CNKSR3: variants seen among roughly 807,000 people sequenced by gnomAD.
CNKSR3 encodes CNKSR family member 3.
In CNKSR3, 36 loss-of-function variants were observed where a neutral mutation model predicts 67.7. The ratio of observed to expected loss-of-function variants is 0.53; its 90% CI spans 0.41 to 0.70. The LOEUF (loss-of-function observed/expected upper bound fraction) is 0.70. CNKSR3 is among the 30% of genes least tolerant of loss of function. CNKSR3 has a pLI of 0.00. For synonymous variants in CNKSR3, 281 were observed against 271.4 expected (o/e 1.04, Z -0.35); for missense variants, 630 against 695.2 (o/e 0.91, Z 1.05).
At chr6:154,437,559 T>C (rs991578780) in intron 4 of CNKSR3, among the ~76,000 whole-genome samples, 10 of 151,816 alleles carry the variant, frequency 6.6e-5, no homozygotes, top group Admixed American at 3.9e-4. Flanking sequence ...GATATATAGG[T>C]GTCCGCCACC....
At position 154,394,635 on chromosome 6, in the gene CNKSR3, A is replaced by G. The variant is rs1019528612; in HGVS notation, c.*11719T>C. 2 of 150,202 alleles carry G rather than the reference A, an allele frequency of 1.3e-5. No homozygotes were observed. Among genetic ancestry groups the G allele is most frequent in the Non-Finnish European group, 1.5e-5 (1 of 67,530 alleles). 9.3% of individuals were successfully genotyped at this position (150,202 alleles called of 1,614,324 possible). ...GAAGTAAAAAAAAAAAAAAAAAAAA[A>G]GAAGAATTCCAAAGGAAACAGAAGA... On this transcript the variant is annotated 3_prime_UTR_variant, in exon 13 of 13. Transcript: ENST00000607772.
chr6:154,408,526 G>A (rs1027741465), intron 12 of CNKSR3, among the ~76,000 whole-genome samples: 1 of 152,118 alleles, frequency 6.6e-6, no homozygotes, highest in African/African-American at 2.4e-5. Context: ...TTGAAAAAGT[G>A]CCCATTGTCA....
chr6:154,428,154 G>A lies in CNKSR3; in HGVS notation c.703C>T (p.His235Tyr). The change falls in exon 7 of 13, where the codon CAC becomes TAC. Residue 235 changes from histidine to tyrosine, a missense_variant. His to Tyr is a moderately conservative substitution (Grantham distance 83, BLOSUM62 2). This residue lies in a region of CNKSR3 where 133 missense variants were observed against 190.6 expected (regional missense o/e 0.70). Coordinates refer to ENST00000607772, the MANE Select transcript of CNKSR3 (RefSeq NM_173515.4). ...TTTTCTGTGGTTCCAGTAATCACGTGTAACCCATCATAGGTTGATTTGATG... is the reference window on the plus strand; with the variant it reads ...TTTTCTGTGGTTCCAGTAATCACGTATAACCCATCATAGGTTGATTTGATG... Reference protein sequence around the residue: ...MYIKSTYDGLHVITGTTENSP... With the variant: ...MYIKSTYDGLYVITGTTENSP... The A allele has an allele frequency of 1.2e-6, 2 of 1,609,986 alleles. No individual in the cohort carries two copies. The highest frequency in any genetic ancestry group is 1.7e-6 in the Non-Finnish European group (2 of 1,176,294).
chr6:154,475,621 C>T (rs1040321983), intron 1 of CNKSR3, among the ~76,000 whole-genome samples: 6 of 152,172 alleles, frequency 3.9e-5, no homozygotes, highest in Non-Finnish European at 8.8e-5. Flanking sequence ...ATCCAAGTCC[C>T]CCTGAAAGCT....
intron 12 of CNKSR3, among the ~76,000 whole-genome samples, chr6:154,407,883 A>AAAAAC (rs1784832927): frequency 6.6e-6 from 1 of 150,990 alleles, no homozygotes; most frequent in African/African-American, 2.4e-5. Context: ...AAAAAAAAAA[A>AAAAAC]AAAAAAAAAA....
chr6:154,454,110 G>GCCC (rs1785899871), intron 1 of CNKSR3, among the ~76,000 whole-genome samples: 1 of 65,622 alleles, frequency 1.5e-5, no homozygotes. Flanking sequence ...CACACAGAGA[G>GCCC]AGAGAGAGAG....
chr6:154,475,363 C>T (rs1321719543), intron 1 of CNKSR3, among the ~76,000 whole-genome samples: 3 of 152,178 alleles, frequency 2.0e-5, no homozygotes, highest in African/African-American at 7.2e-5. Flanking sequence ...TCCAATCCAG[C>T]ACTGTGCTCA....
chr6:154,460,206 A>G (rs898766111), intron 1 of CNKSR3, among the ~76,000 whole-genome samples: 4 of 152,268 alleles, frequency 2.6e-5, no homozygotes, highest in Non-Finnish European at 5.9e-5. Flanking sequence ...AAGAACCGAC[A>G]TGCAAATCTT....
chr6:154,422,070 G>A (rs1239293510), intron 9 of CNKSR3, among the ~76,000 whole-genome samples: 1 of 148,336 alleles, frequency 6.7e-6, no homozygotes, highest in Non-Finnish European at 1.5e-5. Context: ...TTGGCTCACT[G>A]CAAGCTCCGC....
Position 154,390,310 on chromosome 6 carries a change from CA to C in CNKSR3, c.*16043del, listed in dbSNP as rs1019219913. 2.0e-5 allele frequency: 3 copies of C among 152,292 alleles called. No individual in the cohort carries two copies. Among genetic ancestry groups the C allele is most frequent in the African/African-American group, 7.2e-5 (3 of 41,460 alleles). 9.4% of individuals were successfully genotyped at this position (152,292 alleles called of 1,614,324 possible). On this transcript the variant is annotated 3_prime_UTR_variant, in exon 13 of 13. Transcript: ENST00000607772. ...GTTATCCCCTTGACTGTCAACTCTG[CA>C]GCTGGGCCAACCATACACACCCAGA...
At chr6:154,465,220 T>C (rs1212053131) in intron 1 of CNKSR3, among the ~76,000 whole-genome samples, 5 of 151,172 alleles carry the variant, frequency 3.3e-5, no homozygotes, top group East Asian at 1.9e-4. Flanking sequence ...ATCTGCAAAA[T>C]TGACAGCTTA....
intron 1 of CNKSR3, among the ~76,000 whole-genome samples, chr6:154,495,542 A>ATTTTTTTTTAACATTT (rs1217631221): frequency 7.2e-6 from 1 of 138,920 alleles, no homozygotes; most frequent in African/African-American, 2.6e-5. Context: ...TCATTTTAAC[A>ATTTTTTTTTAACATTT]TTTTTTTTTT....
At chr6:154,502,482 C>G (rs550391935) in intron 1 of CNKSR3, among the ~76,000 whole-genome samples, 5,998 of 152,092 alleles carry the variant, frequency 0.039, 314 homozygotes, top group African/African-American at 0.12. Context: ...CAGGCGTGAG[C>G]CACCACACCC....
intron 4 of CNKSR3, among the ~76,000 whole-genome samples, chr6:154,440,032 T>C (rs1406073733): frequency 1.3e-5 from 2 of 152,188 alleles, no homozygotes; most frequent in East Asian, 3.8e-4. Context: ...GACTAATGCA[T>C]CACAACTGGT....
intron 11 of CNKSR3, 65 bp downstream of exon 11, chr6:154,410,869 A>C: frequency 7.8e-7 from 1 of 1,287,704 alleles, no homozygotes; most frequent in Non-Finnish European, 1.1e-6. Context: ...AGTTCCAACT[A>C]AGGCAGGGGG....
intron 4 of CNKSR3, 33 bp downstream of exon 4, chr6:154,441,259 A>G (rs754361648): frequency 3.8e-5 from 49 of 1,276,042 alleles, no homozygotes; most frequent in Middle Eastern, 2.0e-4. Flanking sequence ...AAAAAAAAAA[A>G]AAAAAAGAAA....
Position 154,388,405 on chromosome 6 carries a change from T to C in CNKSR3, c.*17949A>G, listed in dbSNP as rs1784572144. 1 of 152,242 alleles carries C rather than the reference T, an allele frequency of 6.6e-6. No individual in the cohort carries two copies. Among genetic ancestry groups the C allele is most frequent in the Non-Finnish European group, 1.5e-5 (1 of 68,044 alleles). The allele number at this position is 152,242 out of a possible 1,614,324, so 9.4% of individuals were successfully genotyped here. A position where few individuals can be genotyped will look rare whatever the true frequency, so the allele number is the denominator to read the frequency against. ...TGTGTATATACATTTTCTTTATTCA[T>C]TTCTCCGCCGATGGACGCTTAGATT... On this transcript the variant is annotated 3_prime_UTR_variant, in exon 13 of 13. Transcript: ENST00000607772.
intron 9 of CNKSR3, among the ~76,000 whole-genome samples, chr6:154,416,981 T>A (rs11754563): frequency 0.25 from 38,336 of 152,138 alleles, 5,570 homozygotes; most frequent in Non-Finnish European, 0.33. Context: ...TGTCTCTTCT[T>A]AAGTGAATTT....
intron 1 of CNKSR3, among the ~76,000 whole-genome samples, chr6:154,490,857 T>C (rs1238782161): frequency 1.3e-5 from 2 of 152,176 alleles, no homozygotes; most frequent in Non-Finnish European, 2.9e-5. Flanking sequence ...TTAAATTTTT[T>C]TTTTTTGAGA....
Sources: allele counts gnomAD v4.1 joint callset (sites outside exome capture counted in the v4.1 genomes callset), GRCh38; gene constraint gnomAD v4.1.1; regional missense constraint gnomAD v4.1.1; transcripts MANE v1.5; gene names NCBI Gene and HGNC (gene_info 2026-07-23, HGNC 2026-07-21).